The following ANK2 variants were observed in gnomAD, a reference collection of about 807,000 sequenced individuals.
The protein encoded by ANK2 is ankyrin-2.
A neutral mutation model predicts 360.5 loss-of-function variants in ANK2; 83 were observed. The observed-to-expected ratio is 0.23, with a 90% confidence interval of 0.19 to 0.28. The LOEUF is 0.28. Among genes scored for constraint, ANK2 ranks in the 10% least tolerant of loss-of-function variants. ANK2 has a pLI of 1.00. For missense variants in ANK2, 4,201 were observed against 4,795.7 expected (o/e 0.88, Z 3.66); for synonymous variants, 1,740 against 1,759.5 (o/e 0.99, Z 0.28).
At chr4:113,117,652 CT>C (rs1034620984) in intron 1 of ANK2, among the ~76,000 whole-genome samples, 4 of 151,196 alleles carry the variant, frequency 2.6e-5, no homozygotes, top group African/African-American at 4.9e-5. Flanking sequence ...CTTCATTTTT[CT>C]TTTTTTTTGT....
At chr4:113,228,941 G>T (rs2099257909) in intron 4 of ANK2, among the ~76,000 whole-genome samples, 1 of 152,148 alleles carries the variant, frequency 6.6e-6, no homozygotes, top group Admixed American at 6.5e-5. Flanking sequence ...TTGCACACAG[G>T]ACTGTGATGA....
chr4:113,105,332 A>G lies in ANK2; in HGVS notation c.84+55520A>G, dbSNP rs542195001. Among the ~76,000 whole-genome samples the G allele has an allele frequency of 5.3e-5, 8 of 152,260 alleles. 1 individual carries two copies. In the South Asian group the frequency reaches 1.7e-3, roughly 32 times the overall value. The stretch of plus-strand genomic sequence containing the variant: ...TAGCAAAATTTGGAAGTCAGTATCA[A>G]GTGGTGAGGATAGGAAAGTTGAAGA... On this transcript the variant is annotated intron_variant, in intron 1 of 45. Coordinates refer to ENST00000357077, the MANE Select transcript of ANK2 (RefSeq NM_001148.6).
chr4:113,266,602 G>A (rs1019641627), intron 14 of ANK2, among the ~76,000 whole-genome samples: 1 of 152,078 alleles, frequency 6.6e-6, no homozygotes, highest in Non-Finnish European at 1.5e-5. Flanking sequence ...TCTCTGCCAG[G>A]CATGGTGGCT....
In ANK2 at chr4:113,354,361, C is replaced by T. The variant is rs2154020601; in HGVS notation, c.5743C>T (p.Pro1915Ser). The T allele has an allele frequency of 6.2e-7, 1 of 1,614,102 alleles. No individual in the cohort carries two copies. Among genetic ancestry groups the T allele is most frequent in the Non-Finnish European group, 8.5e-7 (1 of 1,179,978 alleles). ...SPSGKTDKRP[P>S]VSPSGRTEKH... is the part of the protein sequence containing the mutation. Reference sequence around the variant, plus strand: ...TTCAGGCAAAACAGACAAACGTCCACCTGTATCGCCCTCCGGGAGGACAGA... The same window carrying T: ...TTCAGGCAAAACAGACAAACGTCCATCTGTATCGCCCTCCGGGAGGACAGA... Residue 1915 changes from proline to serine, a missense_variant, in exon 38 of 46, where the codon CCT (proline) becomes TCT (serine). This residue lies in a region of ANK2 where 2,642 missense variants were observed against 2,714.5 expected (regional missense o/e 0.97). Coordinates refer to ENST00000357077, the MANE Select transcript of ANK2 (RefSeq NM_001148.6).
At chr4:112,794,387 T>TA in the ANK2 span, among the ~76,000 whole-genome samples, 1 of 152,172 alleles carries the variant, frequency 6.6e-6, no homozygotes, top group Non-Finnish European at 1.5e-5. Context: ...GATAGTTGAT[T>TA]AAGTGATTGA....
intron 1 of ANK2, among the ~76,000 whole-genome samples, chr4:112,903,625 T>C (rs1017394879): frequency 2.6e-5 from 4 of 152,242 alleles, no homozygotes; most frequent in African/African-American, 9.6e-5. Context: ...AAGTCTGATA[T>C]ATTGTGATTC....
intron 4 of ANK2, among the ~76,000 whole-genome samples, chr4:113,219,082 T>C (rs362483): frequency 0.028 from 4,253 of 152,266 alleles, 99 homozygotes; most frequent in East Asian, 0.068. Context: ...TCTAAGTTAC[T>C]AGGTCATGTA....
chr4:113,293,354 T>C lies in ANK2; in HGVS notation c.2377-86T>C, dbSNP rs993511181. On this transcript the variant is annotated intron_variant, in intron 21 of 45. Transcript: ENST00000357077. ...CCTTGTTTTGGAAGGAAATGCTGGC[T>C]GATGCAGAGCAGCGGGTGAGCTCAT... 22 of 1,156,916 alleles carry C rather than the reference T, an allele frequency of 1.9e-5. No individual in the cohort carries two copies. The East Asian group carries it at 5.3e-4, about 28-fold the overall frequency. The allele number at this position is 1,156,916 out of a possible 1,614,324, so 71.7% of individuals were successfully genotyped here.
At chr4:112,958,466 C>A (rs1386688156) in intron 2 of ANK2, among the ~76,000 whole-genome samples, 4 of 152,118 alleles carry the variant, frequency 2.6e-5, no homozygotes, top group Non-Finnish European at 5.9e-5. Flanking sequence ...TGGCGGCGTG[C>A]GCCTGCAATC....
the ANK2 span, among the ~76,000 whole-genome samples, chr4:112,760,308 T>G: frequency 6.6e-6 from 1 of 151,528 alleles, no homozygotes; most frequent in African/African-American, 2.4e-5. Context: ...TGCCTCAGCC[T>G]CCAGAGTAGC....
the ANK2 span, among the ~76,000 whole-genome samples, chr4:112,716,614 A>G: frequency 6.6e-6 from 1 of 152,164 alleles, no homozygotes; most frequent in Non-Finnish European, 1.5e-5. Context: ...GAGTGCAGCG[A>G]TGATTCATAG....
chr4:112,745,432 A>G, the ANK2 span, among the ~76,000 whole-genome samples: 11 of 151,734 alleles, frequency 7.2e-5, no homozygotes, highest in Non-Finnish European at 4.4e-5. Context: ...TCCTTCTTTT[A>G]TGTTACAAAC....
intron 1 of ANK2, among the ~76,000 whole-genome samples, chr4:112,822,599 A>T (rs1233584216): frequency 6.6e-6 from 1 of 151,908 alleles, no homozygotes; most frequent in East Asian, 1.9e-4. Context: ...TACAAAAATT[A>T]GCTGGGGGTG....
rs11938798 is a variant in ANK2 at position 112,974,494 on chromosome 4, G to C, written c.21+69980G>C. 8.9e-3 allele frequency among the ~76,000 whole-genome samples: 1,355 copies of C among 152,264 alleles called. 22 individuals carry two copies. The highest frequency in any genetic ancestry group is 0.031 in the African/African-American group (1,297 of 41,550). On this transcript the variant is annotated intron_variant, in intron 2 of 30. Transcript: ENST00000503271. ...CAGAATTGTAAGATTTCTGTGAAGA[G>C]AGGGAAAATGAAGTAAAAGGAAGGA...
the ANK2 span, among the ~76,000 whole-genome samples, chr4:112,753,052 C>A: frequency 6.6e-6 from 1 of 152,182 alleles, no homozygotes; most frequent in African/African-American, 2.4e-5. Context: ...AGGAACCTGA[C>A]AATAAGTCTG....
chr4:113,266,058 T>C (rs921294031), intron 14 of ANK2, among the ~76,000 whole-genome samples: 2 of 152,154 alleles, frequency 1.3e-5, no homozygotes, highest in Non-Finnish European at 2.9e-5. Flanking sequence ...GCTGTACCCA[T>C]CAACCCGTCA....
chr4:112,810,159 ATTTTTTTT>A, the ANK2 span, among the ~76,000 whole-genome samples: 273 of 35,560 alleles, frequency 7.7e-3, no homozygotes, highest in African/African-American at 0.017. Flanking sequence ...ATATATATAT[ATTTTTTTT>A]TTTTTTTTTT....
intron 4 of ANK2, among the ~76,000 whole-genome samples, chr4:113,208,225 T>A (rs2153442280): frequency 6.6e-6 from 1 of 151,984 alleles, no homozygotes; most frequent in East Asian, 1.9e-4. Context: ...GGGAGTCAGG[T>A]GCAATGCAAA....
Position 113,000,300 on chromosome 4 carries a change from G to A in ANK2, c.21+95786G>A, listed in dbSNP as rs1055982004. On this transcript the variant is annotated intron_variant, in intron 2 of 30. Coordinates refer to the ANK2 transcript ENST00000503271. Reference sequence around the variant, plus strand: ...ATTGCTCTCCTCTTCCTGGTACAGAGAGATGGACACCTTCATTCACGAAGG... The same window carrying A: ...ATTGCTCTCCTCTTCCTGGTACAGAAAGATGGACACCTTCATTCACGAAGG... Among the ~76,000 whole-genome samples the A allele has an allele frequency of 3.3e-5, 5 of 152,340 alleles. 1 individual carries two copies. The South Asian group carries it at 8.3e-4, about 25-fold the overall frequency.
Sources: gnomAD v4.1 joint callset for allele counts (sites outside exome capture counted in the v4.1 genomes callset) on GRCh38, gnomAD v4.1.1 for gene constraint, gnomAD v4.1.1 regional missense constraint, MANE v1.5 for transcripts, NCBI Gene and HGNC (gene_info 2026-07-23, HGNC 2026-07-21) for gene names.